FSTL5: variants seen among roughly 807,000 people sequenced by gnomAD.
The protein encoded by FSTL5 is follistatin like 5.
A neutral mutation model predicts 89.1 loss-of-function variants in FSTL5; 62 were observed. The observed-to-expected ratio is 0.70, with a 90% confidence interval of 0.57 to 0.86. The LOEUF is 0.86. FSTL5 is among the 40% of genes least tolerant of loss of function. The probability of loss-of-function intolerance (pLI) is 0.00; values close to 1 mark genes in which losing one functional copy is unlikely to be tolerated. For missense variants in FSTL5, 1,057 were observed against 1,001.6 expected (o/e 1.06, Z -0.75); for synonymous variants, 383 against 346.2 (o/e 1.11, Z -1.18).
intron 4 of FSTL5, among the ~76,000 whole-genome samples, chr4:161,814,248 A>C (rs2126842978): frequency 6.6e-6 from 1 of 152,224 alleles, no homozygotes; most frequent in African/African-American, 2.4e-5. Context: ...TGCTCTATGA[A>C]AGTCTCATTA....
At chr4:161,566,135 T>TATATATACAC (rs1267325201) in intron 8 of FSTL5, among the ~76,000 whole-genome samples, 17 of 55,146 alleles carry the variant, frequency 3.1e-4, no homozygotes, top group East Asian at 2.4e-3. Context: ...TATATATATA[T>TATATATACAC]ACACACACAC....
intron 4 of FSTL5, among the ~76,000 whole-genome samples, chr4:161,785,761 A>T (rs552602597): frequency 6.6e-6 from 1 of 152,194 alleles, no homozygotes; most frequent in Admixed American, 6.5e-5. Context: ...GTTCAGGTTA[A>T]TTTTTTTCTG....
chr4:161,442,464 A>C (rs1284894844), intron 15 of FSTL5, among the ~76,000 whole-genome samples: 1 of 152,102 alleles, frequency 6.6e-6, no homozygotes, highest in Non-Finnish European at 1.5e-5. Context: ...AGCTACCATC[A>C]TATGGTATTA....
intron 3 of FSTL5, among the ~76,000 whole-genome samples, chr4:161,946,922 A>G (rs1441532697): frequency 1.3e-5 from 2 of 152,124 alleles, no homozygotes; most frequent in African/African-American, 4.8e-5. Flanking sequence ...ACTGTAGTGG[A>G]TGTGGCACGG....
chr4:161,460,990 G>A (rs1420765393), intron 13 of FSTL5, among the ~76,000 whole-genome samples: 1 of 150,984 alleles, frequency 6.6e-6, no homozygotes, highest in East Asian at 1.9e-4. Flanking sequence ...TTTCTGTATT[G>A]TAAAGATTAG....
intron 4 of FSTL5, among the ~76,000 whole-genome samples, chr4:161,890,106 C>G (rs1732939527): frequency 6.6e-6 from 1 of 152,076 alleles, no homozygotes; most frequent in South Asian, 2.1e-4. Flanking sequence ...TTCCTCTTTT[C>G]TATCTGTGTC....
At chr4:162,076,466 C>T (rs1181736379) in intron 2 of FSTL5, among the ~76,000 whole-genome samples, 1 of 151,858 alleles carries the variant, frequency 6.6e-6, no homozygotes, top group Non-Finnish European at 1.5e-5. Flanking sequence ...GGTAAAGCTT[C>T]AATGGGTTTG....
At chr4:161,667,800 T>C (rs1336542167) in intron 6 of FSTL5, among the ~76,000 whole-genome samples, 1 of 152,050 alleles carries the variant, frequency 6.6e-6, no homozygotes, top group African/African-American at 2.4e-5. Context: ...AATGGGAACA[T>C]TCTCAACACA....
chr4:161,504,779 T>A (rs1473139521), intron 11 of FSTL5, among the ~76,000 whole-genome samples: 1 of 152,018 alleles, frequency 6.6e-6, no homozygotes, highest in African/African-American at 2.4e-5. Flanking sequence ...CCTATCTCAA[T>A]CCTTTGGGAA....
intron 1 of FSTL5, among the ~76,000 whole-genome samples, chr4:162,124,815 T>G (rs1732011089): frequency 6.6e-6 from 1 of 152,156 alleles, no homozygotes; most frequent in South Asian, 2.1e-4. Context: ...TTCTCCTGCC[T>G]CAGCCTCCAG....
chr4:161,934,590 G>A (rs1156709406), intron 3 of FSTL5, among the ~76,000 whole-genome samples: 1 of 151,926 alleles, frequency 6.6e-6, no homozygotes, highest in Non-Finnish European at 1.5e-5. Flanking sequence ...TCAGTAACTA[G>A]CTGTGTAATT....
At chr4:161,674,216 T>TA (rs1188596721) in intron 6 of FSTL5, among the ~76,000 whole-genome samples, 1 of 152,050 alleles carries the variant, frequency 6.6e-6, no homozygotes, top group Non-Finnish European at 1.5e-5. Flanking sequence ...CACAAATATA[T>TA]ACACATATAT....
chr4:161,580,788 T>C (rs1198880931), intron 8 of FSTL5, among the ~76,000 whole-genome samples: 1 of 152,182 alleles, frequency 6.6e-6, no homozygotes, highest in Non-Finnish European at 1.5e-5. Flanking sequence ...AATTGTGGTT[T>C]TGCCATTAAA....
chr4:161,471,554 A>G (rs1360052854), intron 13 of FSTL5, among the ~76,000 whole-genome samples: 1 of 152,146 alleles, frequency 6.6e-6, no homozygotes, highest in Non-Finnish European at 1.5e-5. Flanking sequence ...TATCACAGCA[A>G]TGCTTGCTTC....
intron 1 of FSTL5, among the ~76,000 whole-genome samples, chr4:162,143,748 A>ACACACACACACACAC (rs1363446909): frequency 3.1e-5 from 4 of 127,680 alleles, no homozygotes; most frequent in Admixed American, 7.5e-5. Context: ...ACACACACAC[A>ACACACACACACACAC]CCCAGGAAAA....
intron 9 of FSTL5, among the ~76,000 whole-genome samples, chr4:161,538,984 C>T (rs370610471): frequency 1.3e-4 from 20 of 152,074 alleles, no homozygotes; most frequent in East Asian, 7.8e-4. Flanking sequence ...AGGCTGGTTT[C>T]GAACTCCTGA....
At chr4:161,840,766 C>A (rs1310438144) in intron 4 of FSTL5, among the ~76,000 whole-genome samples, 1 of 152,096 alleles carries the variant, frequency 6.6e-6, no homozygotes, top group Non-Finnish European at 1.5e-5. Flanking sequence ...GTTTATCCCC[C>A]AAGTTGGGGC....
intron 4 of FSTL5, among the ~76,000 whole-genome samples, chr4:161,788,227 T>C (rs1202033128): frequency 6.6e-6 from 1 of 152,192 alleles, no homozygotes; most frequent in East Asian, 1.9e-4. Context: ...AGTATATCCA[T>C]CACTTTAAAA....
intron 6 of FSTL5, among the ~76,000 whole-genome samples, chr4:161,675,249 T>C (rs546228642): frequency 4.4e-4 from 67 of 151,774 alleles, no homozygotes; most frequent in African/African-American, 1.5e-3. Context: ...TGTTATTCTT[T>C]CTATAAAAAT....
Sources: allele counts gnomAD v4.1 joint callset (sites outside exome capture counted in the v4.1 genomes callset), GRCh38; gene constraint gnomAD v4.1.1; transcripts MANE v1.5; gene names NCBI Gene and HGNC (gene_info 2026-07-23, HGNC 2026-07-21).